The following XPR1 variants were observed in gnomAD, a reference collection of about 807,000 sequenced individuals.
XPR1 encodes the protein solute carrier family 53 member 1.
A neutral mutation model predicts 87.5 loss-of-function variants in XPR1; 28 were observed. The observed-to-expected ratio is 0.32, with a 90% CI of 0.24 to 0.44. XPR1 has a LOEUF of 0.44. Ranked by LOEUF, XPR1 falls within the 20% of genes least tolerant of loss-of-function variation. The pLI is 1.00. For synonymous variants in XPR1, 300 were observed against 306.1 expected (o/e 0.98, Z 0.21); for missense variants, 559 against 862.3 (o/e 0.65, Z 4.41).
At chr1:180,848,677 T>C (rs1266826246) in intron 11 of XPR1, among the ~76,000 whole-genome samples, 3 of 152,130 alleles carry the variant, frequency 2.0e-5, no homozygotes, top group African/African-American at 7.2e-5. Context: ...TGGACTGAAA[T>C]GCCAAGTAGT....
chr1:180,770,225 G>A (rs1197282792), intron 2 of XPR1, among the ~76,000 whole-genome samples: 1 of 151,990 alleles, frequency 6.6e-6, no homozygotes, highest in Middle Eastern at 3.2e-3. Flanking sequence ...TTTTAGTTTG[G>A]GCTTCTACAG....
intron 2 of XPR1, among the ~76,000 whole-genome samples, chr1:180,748,410 T>TTTTTTTTG (rs1647369517): frequency 1.4e-5 from 1 of 71,696 alleles, no homozygotes; most frequent in Non-Finnish European, 2.5e-5. Context: ...CTTTTTTTTT[T>TTTTTTTTG]TTTTTTTTTT....
At chr1:180,766,157 A>C (rs1648275865) in intron 2 of XPR1, among the ~76,000 whole-genome samples, 1 of 152,130 alleles carries the variant, frequency 6.6e-6, no homozygotes, top group African/African-American at 2.4e-5. Flanking sequence ...GTCTTATTTA[A>C]TATCTGCATT....
chr1:180,782,309 A>T lies in XPR1; in HGVS notation c.122-5444A>T, dbSNP rs185936319. 3.0e-4 allele frequency among the ~76,000 whole-genome samples: 45 copies of T among 152,172 alleles called. 1 individual carries two copies. The highest frequency in any genetic ancestry group is 2.8e-3 in the Admixed American group (43 of 15,262). On this transcript the variant is annotated intron_variant, in intron 2 of 14. Transcript: ENST00000367590. ...CAGGACATATTTAGCCCATTGTATT[A>T]GTCTACTCAGACTGCCATAGCAGAA...
intron 2 of XPR1, among the ~76,000 whole-genome samples, chr1:180,708,822 C>T (rs753205999): frequency 6.9e-6 from 1 of 145,062 alleles, no homozygotes; most frequent in Non-Finnish European, 1.5e-5. Context: ...AATGAAATGT[C>T]GAATTTGCAT....
At chr1:180,806,587 G>T in intron 6 of XPR1, 30 bp downstream of exon 6, 1 of 1,588,426 alleles carries the variant, frequency 6.3e-7, no homozygotes, top group Non-Finnish European at 8.6e-7. Context: ...AGTTTGTTTG[G>T]TTTCACCTAT....
chr1:180,686,306 T>A (rs1212670561), intron 2 of XPR1, among the ~76,000 whole-genome samples: 14 of 152,102 alleles, frequency 9.2e-5, no homozygotes, highest in Non-Finnish European at 1.8e-4. Context: ...TTTGAGTGAG[T>A]TTCTTAATCC....
chr1:180,841,712 C>G (rs143908327), intron 11 of XPR1, among the ~76,000 whole-genome samples: 30 of 152,170 alleles, frequency 2.0e-4, no homozygotes, highest in South Asian at 6.2e-4. Flanking sequence ...ATTCAGTACT[C>G]ACTGTCAAAG....
At chr1:180,685,132 T>C (rs907429579) in intron 2 of XPR1, among the ~76,000 whole-genome samples, 5 of 152,030 alleles carry the variant, frequency 3.3e-5, no homozygotes, top group Non-Finnish European at 7.4e-5. Flanking sequence ...TTGTCATAGA[T>C]AGCTCTTATT....
rs545691655 is a variant in XPR1, at chr1:180,634,179, G to A, written c.69+1909G>A. ...AAATGTTTACTGTAGGTTGGTCACA[G>A]AGGGGCAAAATTCCTGAGATTATGT... On this transcript the variant is annotated intron_variant, in intron 1 of 14. Coordinates refer to ENST00000367590, the MANE Select transcript of XPR1 (RefSeq NM_004736.4). Among the ~76,000 whole-genome samples, 6 of 152,310 alleles carry A rather than the reference G, an allele frequency of 3.9e-5. No homozygotes were observed. In the South Asian group the frequency reaches 1.0e-3, roughly 26 times the overall value.
At chr1:180,808,647 G>C (rs1159046790) in intron 6 of XPR1, among the ~76,000 whole-genome samples, 1 of 152,098 alleles carries the variant, frequency 6.6e-6, no homozygotes, top group African/African-American at 2.4e-5. Flanking sequence ...CAAAAGACCT[G>C]AACAGTTCTT....
rs1652950825 is a variant in XPR1, at chr1:180,884,624, C to T, written c.*558C>T. The T allele has an allele frequency of 6.6e-6, 1 of 151,034 alleles. No individual in the cohort carries two copies. The highest frequency in any genetic ancestry group is 2.1e-4 in the South Asian group (1 of 4,684). 9.4% of individuals were successfully genotyped at this position (151,034 alleles called of 1,614,324 possible). A position where few individuals can be genotyped will look rare whatever the true frequency, so the allele number is the denominator to read the frequency against. ...TACTTTTTAATTTGATGTAACTTTT[C>T]TTATTTTGGGAAGGGTTGCTGGGTG... On this transcript the variant is annotated 3_prime_UTR_variant, in exon 15 of 15. Transcript: ENST00000367590.
intron 2 of XPR1, among the ~76,000 whole-genome samples, chr1:180,739,538 C>G (rs2102020806): frequency 6.6e-6 from 1 of 152,262 alleles, no homozygotes; most frequent in African/African-American, 2.4e-5. Flanking sequence ...ATCTTTACTG[C>G]ATTTTGGCTT....
chr1:180,843,717 C>T (rs535702233), intron 11 of XPR1, among the ~76,000 whole-genome samples: 28 of 150,572 alleles, frequency 1.9e-4, no homozygotes, highest in Admixed American at 5.3e-4. Context: ...AAAAAGAACA[C>T]ATATGCTTAC....
chr1:180,767,586 T>C (rs1648336481), intron 2 of XPR1, among the ~76,000 whole-genome samples: 1 of 152,258 alleles, frequency 6.6e-6, no homozygotes, highest in South Asian at 2.1e-4. Context: ...TGGAATAAAC[T>C]CTAGAACATG....
chr1:180,863,942 G>T, intron 12 of XPR1, 68 bp downstream of exon 12: 1 of 1,297,056 alleles, frequency 7.7e-7, no homozygotes. Context: ...TCCTGTTGCA[G>T]TACAGACCCA....
At chr1:180,827,937 C>T (rs1317389631) in intron 9 of XPR1, among the ~76,000 whole-genome samples, 6 of 148,382 alleles carry the variant, frequency 4.0e-5, no homozygotes, top group Admixed American at 6.8e-5. Context: ...AGTGCAGTGG[C>T]GTGATCTCAG....
In XPR1 at chr1:180,849,829, G is replaced by C. The variant is rs12076671; in HGVS notation, c.1501+13113G>C. Among the ~76,000 whole-genome samples the C allele has an allele frequency of 7.6e-3, 1,153 of 152,264 alleles. 12 individuals are homozygous for C. Among genetic ancestry groups the C allele is most frequent in the African/African-American group, 0.026 (1,094 of 41,556 alleles). The stretch of plus-strand genomic sequence containing the variant: ...TTTCATAGAGAGGAATGAGAAAGCA[G>C]AGCAGAGACAGTCAAGTGTTAGTTA... On this transcript the variant is annotated intron_variant, in intron 11 of 14. Transcript: ENST00000367590.
intron 11 of XPR1, among the ~76,000 whole-genome samples, chr1:180,862,243 T>C (rs1652247250): frequency 6.6e-6 from 1 of 152,074 alleles, no homozygotes; most frequent in South Asian, 2.1e-4. Flanking sequence ...AAAATACAGA[T>C]CTGATCCTAA....
Sources: allele counts gnomAD v4.1 joint callset (sites outside exome capture counted in the v4.1 genomes callset), GRCh38; gene constraint gnomAD v4.1.1; transcripts MANE v1.5; gene names NCBI Gene and HGNC (gene_info 2026-07-23, HGNC 2026-07-21).